Variants in RAB3IL1 observed in about 807,000 individuals in gnomAD.
RAB3IL1 encodes the protein guanine nucleotide exchange factor for Rab-3A.
RAB3IL1 carries 37 observed loss-of-function variants against 49.2 expected under a neutral mutation model. That is an observed-to-expected ratio of 0.75 (90% CI 0.58 to 0.99). The LOEUF (loss-of-function observed/expected upper bound fraction) is 0.99, where lower values mean the gene tolerates loss of function less well. Ranked by LOEUF, RAB3IL1 falls within the 50% of genes least tolerant of loss-of-function variation. The pLI is 0.00. For missense variants in RAB3IL1, 484 were observed against 513.0 expected (o/e 0.94, Z 0.55); for synonymous variants, 193 against 213.9 (o/e 0.90, Z 0.85).
upstream of RAB3IL1, chr11:61,917,650 C>A: frequency 2.3e-6 from 2 of 864,078 alleles, no homozygotes; most frequent in South Asian, 5.4e-5. Context: ...CGCGCGCTCC[C>A]AAGGCCTGGC....
intron 1 of RAB3IL1, among the ~76,000 whole-genome samples, chr11:61,912,195 G>A (rs768821225): frequency 4.6e-5 from 7 of 152,188 alleles, no homozygotes; most frequent in South Asian, 2.1e-4. Flanking sequence ...ACCACTCAGC[G>A]GGCTGCCAGG....
the RAB3IL1 span, among the ~76,000 whole-genome samples, chr11:61,936,552 A>G: frequency 1.3e-5 from 2 of 152,126 alleles, no homozygotes; most frequent in African/African-American, 4.8e-5. Flanking sequence ...ATGTTGACCA[A>G]GCTGGTCTCA....
rs1168241818 is a variant in RAB3IL1 at position 61,917,350 on chromosome 11, G to A, written c.11+7C>T. The A allele has an allele frequency of 1.6e-6, 2 of 1,288,064 alleles. No homozygotes were observed. Among genetic ancestry groups the A allele is most frequent in the South Asian group, 2.4e-5 (1 of 41,472 alleles). The allele number at this position is 1,288,064 out of a possible 1,614,324, so 79.8% of individuals were successfully genotyped here. On this transcript the variant is annotated splice_region_variant and intron_variant, in intron 1 of 9. Transcript: ENST00000394836. The stretch of plus-strand genomic sequence containing the variant: ...CAGCGCGGGACCGCGAGCGCGCGCG[G>A]ACCTACCCGCTCCACATCCCGGCGC...
At position 61,898,011 on chromosome 11, in the gene RAB3IL1, C is replaced by G. The variant is rs1938700526; in HGVS notation, c.*267G>C. 2.1e-6 allele frequency: 1 copy of G among 465,890 alleles called. No homozygotes were observed. Among genetic ancestry groups the G allele is most frequent in the Non-Finnish European group, 3.9e-6 (1 of 257,512 alleles). 28.9% of individuals were successfully genotyped at this position (465,890 alleles called of 1,614,324 possible). A position where few individuals can be genotyped will look rare whatever the true frequency, so the allele number is the denominator to read the frequency against. On this transcript the variant is annotated 3_prime_UTR_variant, in exon 10 of 10. Transcript: ENST00000394836. The surrounding 1 kb of genome is among the most constrained non-coding windows in gnomAD (Gnocchi z 5.1). ...GGCCCCCCGAGTATGGATCCGAGCT[C>G]CCTGGTCTTTGGTGCTTTCTTGAAA...
chr11:61,927,059 C>A, the RAB3IL1 span, among the ~76,000 whole-genome samples: 2 of 151,994 alleles, frequency 1.3e-5, no homozygotes, highest in African/African-American at 2.4e-5. Context: ...GGCGAGGCTG[C>A]TCTCAAACTC....
At chr11:61,930,842 G>A in the RAB3IL1 span, among the ~76,000 whole-genome samples, 1 of 152,064 alleles carries the variant, frequency 6.6e-6, no homozygotes, top group African/African-American at 2.4e-5. Context: ...TGGTCACTAT[G>A]CAGTAATAAT....
upstream of RAB3IL1, among the ~76,000 whole-genome samples, chr11:61,925,042 G>A (rs539895910): frequency 1.1e-3 from 172 of 152,330 alleles, 1 homozygote; most frequent in Non-Finnish European, 1.4e-3. Flanking sequence ...GGGGTGAACT[G>A]GAGACTGTGC....
rs111620004 is a variant in RAB3IL1 at position 61,901,425 on chromosome 11, C to T, written c.999+1017G>A. Among the ~76,000 whole-genome samples the T allele has an allele frequency of 5.3e-3, 809 of 152,282 alleles. 3 individuals are homozygous for T. Among genetic ancestry groups the T allele is most frequent in the South Asian group, 0.029 (139 of 4,822 alleles). ...GCCGACTTAAGGCTGGTGCACCAGA[C>T]GCACCGCTGAACCTTTTCCAAAGCT... On this transcript the variant is annotated intron_variant, in intron 8 of 9. Coordinates refer to ENST00000394836, the MANE Select transcript of RAB3IL1 (RefSeq NM_013401.4).
At chr11:61,936,879 A>T in the RAB3IL1 span, among the ~76,000 whole-genome samples, 314 of 152,314 alleles carry the variant, frequency 2.1e-3, no homozygotes, top group Middle Eastern at 6.8e-3. Flanking sequence ...AGGAGAACTC[A>T]AGACATCCTC....
chr11:61,922,715 C>G (rs561301438), upstream of RAB3IL1, among the ~76,000 whole-genome samples: 3 of 152,278 alleles, frequency 2.0e-5, no homozygotes, highest in South Asian at 4.1e-4. Flanking sequence ...TGCCCCGCCC[C>G]GCCCAGCGGA....
chr11:61,940,911 C>T, the RAB3IL1 span, among the ~76,000 whole-genome samples: 2 of 151,412 alleles, frequency 1.3e-5, no homozygotes, highest in African/African-American at 4.8e-5. Context: ...CAGAGCAAGA[C>T]TCCATCTCAA....
chr11:61,945,347 C>A, the RAB3IL1 span, among the ~76,000 whole-genome samples: 1 of 152,112 alleles, frequency 6.6e-6, no homozygotes, highest in Non-Finnish European at 1.5e-5. Flanking sequence ...CTATTCTTTC[C>A]CTCTCACAGT....
At chr11:61,941,965 C>T in the RAB3IL1 span, among the ~76,000 whole-genome samples, 62 of 152,096 alleles carry the variant, frequency 4.1e-4, no homozygotes, top group Non-Finnish European at 7.9e-4. Context: ...AATCTTAGCA[C>T]GTTGTGAGGC....
the RAB3IL1 span, among the ~76,000 whole-genome samples, chr11:61,934,623 T>C: frequency 6.6e-6 from 1 of 151,404 alleles, no homozygotes; most frequent in South Asian, 2.1e-4. Context: ...TGCCTAGGGC[T>C]GGGTGCATGC....
chr11:61,932,079 G>A, the RAB3IL1 span, among the ~76,000 whole-genome samples: 27 of 151,738 alleles, frequency 1.8e-4, no homozygotes, highest in African/African-American at 3.4e-4. Flanking sequence ...GTGAAACCCC[G>A]TCTCTACTAA....
In RAB3IL1 at chr11:61,917,400, C is replaced by T. The variant is rs917670337; in HGVS notation, c.-33G>A. 8 of 1,226,236 alleles carry T rather than the reference C, an allele frequency of 6.5e-6. No individual in the cohort carries two copies. In the African/African-American group the frequency reaches 1.3e-4, roughly 19 times the overall value. 76.0% of individuals were successfully genotyped at this position (1,226,236 alleles called of 1,614,324 possible). ...CCTCGGGGCGCCCAGGCGTCCGTTC[C>T]CAGCGCCGCCGCGTCCTCCCAGCGC... On this transcript the variant is annotated 5_prime_UTR_variant, in exon 1 of 10. Coordinates refer to ENST00000394836, the MANE Select transcript of RAB3IL1 (RefSeq NM_013401.4).
chr11:61,913,417 G>C (rs1199010480), intron 1 of RAB3IL1, among the ~76,000 whole-genome samples: 1 of 152,158 alleles, frequency 6.6e-6, no homozygotes, highest in Non-Finnish European at 1.5e-5. Flanking sequence ...AGAGACCATG[G>C]AGGAGGAGTG....
chr11:61,917,693 C>T (rs1394446511), upstream of RAB3IL1: 1 of 471,292 alleles, frequency 2.1e-6, no homozygotes, highest in Non-Finnish European at 2.8e-6. Context: ...GACAGGGAGA[C>T]CACGGCGCTC....
upstream of RAB3IL1, chr11:61,920,147 A>G (rs971789763): frequency 7.5e-7 from 1 of 1,338,202 alleles, no homozygotes; most frequent in Non-Finnish European, 9.7e-7. Context: ...AACACGGGAC[A>G]TGTCCCTCGG....
Sources: allele counts gnomAD v4.1 joint callset (sites outside exome capture counted in the v4.1 genomes callset), GRCh38; gene constraint gnomAD v4.1.1; non-coding constraint Gnocchi (gnomAD v3.1); transcripts MANE v1.5; gene names NCBI Gene and HGNC (gene_info 2026-07-23, HGNC 2026-07-21).